Variants in CCDC33 observed in about 807,000 individuals in gnomAD.
CCDC33 encodes coiled-coil domain-containing protein 33.
Under a neutral mutation model 91.9 loss-of-function variants are expected in CCDC33, and 94 were observed. The ratio of observed to expected loss-of-function variants is 1.02; its 90% CI spans 0.87 to 1.21. The LOEUF is 1.21. Among genes scored for constraint, CCDC33 ranks in the 50% most tolerant of loss-of-function variants. CCDC33 has a pLI of 0.00. For synonymous variants in CCDC33, 396 were observed against 374.5 expected (o/e 1.06, Z -0.66); for missense variants, 940 against 935.5 (o/e 1.00, Z -0.06).
intron 11 of CCDC33, chr15:74,318,566 G>A (rs1242570314): frequency 2.8e-6 from 2 of 704,698 alleles, no homozygotes; most frequent in East Asian, 2.8e-5. Flanking sequence ...CCCATCCTGG[G>A]GAACAGGACT....
chr15:74,281,968 G>A (rs368973272), intron 10 of CCDC33, 119 bp downstream of exon 10: 1 of 799,808 alleles, frequency 1.3e-6, no homozygotes, highest in Non-Finnish European at 2.0e-6. Context: ...TACTACTTTG[G>A]ATAGAAACGT....
chr15:74,335,504 C>T (rs999141144), intron 18 of CCDC33: 8 of 399,692 alleles, frequency 2.0e-5, no homozygotes, highest in East Asian at 1.8e-4. Context: ...CAGATGGCCA[C>T]GATGTAGGCT....
At chr15:74,297,770 A>T (rs1027967263) in intron 11 of CCDC33, among the ~76,000 whole-genome samples, 4 of 152,220 alleles carry the variant, frequency 2.6e-5, no homozygotes, top group African/African-American at 9.6e-5. Flanking sequence ...GGAAAGGCAC[A>T]TGGGAAGGGA....
chr15:74,290,507 A>T (rs2059566240), intron 10 of CCDC33, among the ~76,000 whole-genome samples: 1 of 152,158 alleles, frequency 6.6e-6, no homozygotes, highest in Non-Finnish European at 1.5e-5. Context: ...CACCCATCTT[A>T]CTAAGGGTCC....
At chr15:74,332,547 G>T (rs1215305433) in intron 15 of CCDC33, 132 bp from the exon 16 acceptor site, 7 of 890,876 alleles carry the variant, frequency 7.9e-6, no homozygotes, top group African/African-American at 1.7e-5. Context: ...CCCACTGGTG[G>T]TAGGGAGCCA....
In CCDC33 at chr15:74,243,984, G is replaced by C; in HGVS notation, c.22-1G>C. On this transcript the variant is annotated splice_acceptor_variant, in intron 1 of 18. Transcript: ENST00000398814. LOFTEE classifies it high-confidence loss of function. Reference sequence around the variant, plus strand: ...ACACTCAGCCCTGGCTCTCCCCACAGAACACTGAAGACCCAGAGGAGCCCC... The same window carrying C: ...ACACTCAGCCCTGGCTCTCCCCACACAACACTGAAGACCCAGAGGAGCCCC... 6.2e-7 allele frequency: 1 copy of C among 1,604,370 alleles called. No individual in the cohort carries two copies. Among genetic ancestry groups the C allele is most frequent in the Non-Finnish European group, 8.5e-7 (1 of 1,176,732 alleles).
At chr15:74,205,755 C>G (rs1431218992) in intron 1 of CCDC33, among the ~76,000 whole-genome samples, 4 of 152,204 alleles carry the variant, frequency 2.6e-5, no homozygotes, top group Non-Finnish European at 4.4e-5. Context: ...CCCCACCCCC[C>G]ACGGAGAGCC....
At chr15:74,331,423 G>A in intron 15 of CCDC33, 127 bp downstream of exon 15, 2 of 923,246 alleles carry the variant, frequency 2.2e-6, no homozygotes, top group Admixed American at 2.6e-5. Context: ...TTATGTCTGT[G>A]GGCCTGGGAG....
At chr15:74,282,208 C>G (rs888441111) in intron 10 of CCDC33, among the ~76,000 whole-genome samples, 8 of 152,212 alleles carry the variant, frequency 5.3e-5, no homozygotes, top group African/African-American at 1.4e-4. Flanking sequence ...GCTGACACTT[C>G]TATATGTAGG....
chr15:74,216,948 C>T (rs763569408), upstream of CCDC33, among the ~76,000 whole-genome samples: 1 of 152,148 alleles, frequency 6.6e-6, no homozygotes, highest in Non-Finnish European at 1.5e-5. Flanking sequence ...CCACCTCCCC[C>T]ACTAGAAGAT....
At chr15:74,225,824 T>C (rs1334965681) in intron 2 of CCDC33, among the ~76,000 whole-genome samples, 1 of 152,180 alleles carries the variant, frequency 6.6e-6, no homozygotes, top group Admixed American at 6.5e-5. Context: ...CAGCACCCAG[T>C]GAGCCCACCC....
chr15:74,335,190 C>G, intron 18 of CCDC33, 102 bp downstream of exon 18: 1 of 918,936 alleles, frequency 1.1e-6, no homozygotes, highest in African/African-American at 1.6e-5. Context: ...CATTGTGGAG[C>G]CAACTCCAGG....
chr15:74,211,393 C>CTTTT (rs34963230), intron 2 of CCDC33, among the ~76,000 whole-genome samples: 52 of 73,890 alleles, frequency 7.0e-4, no homozygotes, highest in East Asian at 1.3e-3. Flanking sequence ...CTGCCCCTGG[C>CTTTT]TTTTTTTTTT....
Position 74,272,802 on chromosome 15 carries a change from G to A in CCDC33, c.670G>A (p.Val224Met). The change falls in exon 7 of 19, where the codon GTG becomes ATG. Residue 224 changes from valine (V) to methionine (M), a missense_variant. Transcript: ENST00000398814. Reference protein sequence around the residue: ...VSQANRDLASVGLPITPLSFP... With the variant: ...VSQANRDLASMGLPITPLSFP... ...CCAGGCTAACAGGGACCTGGCCTCT[G>A]TGGGGCTGCCCATCACCCCACTGTC... The A allele has an allele frequency of 6.2e-7, 1 of 1,614,214 alleles. No individual in the cohort carries two copies. Among genetic ancestry groups the A allele is most frequent in the Non-Finnish European group, 8.5e-7 (1 of 1,180,024 alleles).
At chr15:74,292,821 G>A (rs913311424) in intron 10 of CCDC33, among the ~76,000 whole-genome samples, 3 of 152,146 alleles carry the variant, frequency 2.0e-5, no homozygotes, top group Admixed American at 6.5e-5. Flanking sequence ...GGGCAGGATA[G>A]ACTTAAAGTC....
chr15:74,207,154 G>T (rs1032722345), intron 1 of CCDC33, among the ~76,000 whole-genome samples: 1 of 152,148 alleles, frequency 6.6e-6, no homozygotes, highest in Non-Finnish European at 1.5e-5. Flanking sequence ...AGAGGCCCAC[G>T]TGCATTTCTG....
chr15:74,309,747 T>C (rs1243633037), intron 11 of CCDC33, among the ~76,000 whole-genome samples: 1 of 152,152 alleles, frequency 6.6e-6, no homozygotes, highest in Non-Finnish European at 1.5e-5. Flanking sequence ...AGGGAATCTA[T>C]TTATCCACTA....
At chr15:74,250,394 C>G (rs2075670656) in intron 2 of CCDC33, among the ~76,000 whole-genome samples, 2 of 152,168 alleles carry the variant, frequency 1.3e-5, no homozygotes, top group African/African-American at 4.8e-5. Context: ...TTTGCTCCAG[C>G]CACACTGGAC....
chr15:74,284,789 T>C (rs1047869136), intron 10 of CCDC33, among the ~76,000 whole-genome samples: 1 of 152,270 alleles, frequency 6.6e-6, no homozygotes. Flanking sequence ...TAAGCTGCTA[T>C]AACAAAGAGA....
Sources: gnomAD v4.1 joint callset for allele counts (sites outside exome capture counted in the v4.1 genomes callset) on GRCh38, gnomAD v4.1.1 for gene constraint, MANE v1.5 for transcripts, NCBI Gene and HGNC (gene_info 2026-07-23, HGNC 2026-07-21) for gene names.